ANKRD34A: variants seen among roughly 807,000 people sequenced by gnomAD.
The protein encoded by ANKRD34A is ankyrin repeat domain 34A.
In ANKRD34A, 7 loss-of-function variants were observed where a neutral mutation model predicts 27.1. That is an observed-to-expected ratio of 0.26 (90% CI 0.15 to 0.49). The LOEUF (loss-of-function observed/expected upper bound fraction) is 0.49. ANKRD34A is among the 20% of genes least tolerant of loss of function. ANKRD34A has a pLI of 0.99. For missense variants in ANKRD34A, 472 were observed against 682.1 expected (o/e 0.69, Z 3.43); for synonymous variants, 301 against 300.8 (o/e 1.00, Z -0.01).
intron 1 of ANKRD34A, among the ~76,000 whole-genome samples, chr1:145,963,973 A>T (rs1179014324): frequency 6.6e-6 from 1 of 151,952 alleles, no homozygotes; most frequent in Non-Finnish European, 1.5e-5. Flanking sequence ...TTCTTGACTA[A>T]CTCCTAGATT....
At position 145,960,629 on chromosome 1, in the gene ANKRD34A, A is replaced by G; in HGVS notation, c.1131T>C (p.Ala377=). The G allele has an allele frequency of 6.3e-7, 1 of 1,585,002 alleles. No individual in the cohort carries two copies. The highest frequency in any genetic ancestry group is 8.6e-7 in the Non-Finnish European group (1 of 1,163,438). Residue 377 remains alanine (A), a synonymous_variant, in exon 4 of 4, where the codon GCT becomes GCC. Transcript: ENST00000606888. The surrounding 1 kb of genome is among the most constrained non-coding windows in gnomAD (Gnocchi z 5.5). ...TCTCCTGGGACTGGCGCGGAGAGGGAGCCGAGCCGGCTGGAGGGAGGGTCA... is the reference window on the plus strand; with the variant it reads ...TCTCCTGGGACTGGCGCGGAGAGGGGGCCGAGCCGGCTGGAGGGAGGGTCA... The part of the protein sequence containing the change: ...SPLTLPPAGS[A]PSPRQSQESL...
Position 145,962,657 on chromosome 1 carries a change from G to C in ANKRD34A, c.-357C>G, listed in dbSNP as rs1649841304. The C allele has an allele frequency of 2.6e-5, 2 of 76,332 alleles. No individual in the cohort carries two copies. The highest frequency in any genetic ancestry group is 4.9e-5 in the African/African-American group (1 of 20,318). The allele number at this position is 76,332 out of a possible 1,614,324, so 4.7% of individuals were successfully genotyped here. A position where few individuals can be genotyped will look rare whatever the true frequency, so the allele number is the denominator to read the frequency against. ...TGGCGGGGGGGGGGGGGGGGGGGGG[G>C]GCGGAGCTCTGCTGTGCTATTTATA... On this transcript the variant is annotated 5_prime_UTR_variant, in exon 3 of 4. Transcript: ENST00000606888.
chr1:145,961,071 G>A lies in ANKRD34A; in HGVS notation c.689C>T (p.Pro230Leu), dbSNP rs1553761298. 6.2e-7 allele frequency: 1 copy of A among 1,613,682 alleles called. No homozygotes were observed. Among genetic ancestry groups the A allele is most frequent in the East Asian group, 2.2e-5 (1 of 44,870 alleles). ...KPPDDPSPSE[P>L]LPKPPRHPPK... is the part of the protein sequence containing the mutation. ...GGGATGGCGTGGTGGTTTGGGGAGC[G>A]GCTCGGAAGGGGATGGGTCATCGGG... The change falls in exon 4 of 4, where the codon CCG (proline) becomes CTG (leucine). Residue 230 changes from proline (P) to leucine (L), a missense_variant. By Grantham distance (98) the Pro-to-Leu change is moderately conservative. Transcript: ENST00000606888. This position sits in a 1 kb window ranked among gnomAD's most constrained non-coding sequence, Gnocchi z 9.5.
rs1462561183 is a variant in ANKRD34A, at chr1:145,960,407, A to G, written c.1353T>C (p.Pro451=). 15 of 1,502,286 alleles carry G rather than the reference A, an allele frequency of 1.0e-5. No individual in the cohort carries two copies. In the Admixed American group the frequency reaches 2.5e-4, roughly 25 times the overall value. 93.1% of individuals were successfully genotyped at this position (1,502,286 alleles called of 1,614,324 possible). Residue 451 remains proline, a synonymous_variant, in exon 4 of 4, where the codon CCT becomes CCC. Transcript: ENST00000606888. The surrounding 1 kb of genome is among the most constrained non-coding windows in gnomAD (Gnocchi z 5.5). The part of the protein sequence containing the change: ...PQPGGRAPSL[P]APPYAGAPGS... ...CTGGCGCCCCGGCATAAGGAGGGGC[A>G]GGCAACGAAGGCGCCCGACCTCCGG...
Position 145,962,525 on chromosome 1 carries a change from G to GT in ANKRD34A, c.-226_-225insA, listed in dbSNP as rs1276480907. The stretch of plus-strand genomic sequence containing the variant: ...TGGGGGCCCGCATGGCGTGGGGGGG[G>GT]GGGCACCCGGATTCCCTTGGTGTCA... On this transcript the variant is annotated 5_prime_UTR_variant, in exon 3 of 4. Transcript: ENST00000606888. The GT allele has an allele frequency of 6.6e-6, 1 of 150,760 alleles. No homozygotes were observed. The highest frequency in any genetic ancestry group is 2.5e-5 in the African/African-American group (1 of 40,816). 9.3% of individuals were successfully genotyped at this position (150,760 alleles called of 1,614,324 possible). A position where few individuals can be genotyped will look rare whatever the true frequency, so the allele number is the denominator to read the frequency against.
chr1:145,960,338 C>T lies in ANKRD34A; in HGVS notation c.1422G>A (p.Met474Ile), dbSNP rs782455199. ...CCAGCAGGCGGATCTGCTCAGTCTG[C>T]ATGGAGTGGCGTCTCACCAATTTGC... ...TKRKLVRRHS[M>I]QTEQIRLLGG... The change falls in exon 4 of 4, where the codon ATG (methionine) becomes ATA (isoleucine). Residue 474 changes from methionine (M) to isoleucine (I), a missense_variant. Coordinates refer to ENST00000606888, the MANE Select transcript of ANKRD34A (RefSeq NM_001039888.4). This position sits in a 1 kb window ranked among gnomAD's most constrained non-coding sequence, Gnocchi z 5.5. The T allele has an allele frequency of 6.2e-7, 1 of 1,612,628 alleles. No homozygotes were observed. The highest frequency in any genetic ancestry group is 1.1e-5 in the South Asian group (1 of 90,838).
chr1:145,959,981 GT>G lies in ANKRD34A; in HGVS notation c.*287del. ...AGAGAGTTTGGGACCCTAGCCCTGT[GT>G]GTTTATTGATATGCTGTGCCTGTAG... On this transcript the variant is annotated 3_prime_UTR_variant, in exon 4 of 4. Transcript: ENST00000606888. 1 of 390,906 alleles carries G rather than the reference GT, an allele frequency of 2.6e-6. No individual in the cohort carries two copies. The highest frequency in any genetic ancestry group is 4.7e-6 in the Non-Finnish European group (1 of 212,870). The allele number at this position is 390,906 out of a possible 1,614,324, so 24.2% of individuals were successfully genotyped here. A position where few individuals can be genotyped will look rare whatever the true frequency, so the allele number is the denominator to read the frequency against.
At position 145,960,930 on chromosome 1, in the gene ANKRD34A, C is replaced by A; in HGVS notation, c.830G>T (p.Gly277Val). 6.2e-7 allele frequency: 1 copy of A among 1,614,186 alleles called. No homozygotes were observed. The highest frequency in any genetic ancestry group is 8.5e-7 in the Non-Finnish European group (1 of 1,180,026). The change falls in exon 4 of 4, where the codon GGC (glycine) becomes GTC (valine). Residue 277 changes from glycine to valine, a missense_variant. By Grantham distance (109) the Gly-to-Val change is moderately radical (BLOSUM62 -3). Around this residue, in one of 4 missense-constraint regions of ANKRD34A, gnomAD observed 295 missense variants for 335.0 expected, o/e 0.88. Coordinates refer to ENST00000606888, the MANE Select transcript of ANKRD34A (RefSeq NM_001039888.4). This position sits in a 1 kb window ranked among gnomAD's most constrained non-coding sequence, Gnocchi z 5.5. ...ACGGGGTCGACCGGTCAGGGTCAGGCCATTGAATTCGGCAGTCAAGCGCTC... is the reference window on the plus strand; with the variant it reads ...ACGGGGTCGACCGGTCAGGGTCAGGACATTGAATTCGGCAGTCAAGCGCTC... ...GIERLTAEFN[G>V]LTLTGRPRLS...
chr1:145,961,775 G>A lies in ANKRD34A; in HGVS notation c.-16C>T, dbSNP rs1649775377. The stretch of plus-strand genomic sequence containing the variant: ...TGTGCAACATAGCTGCGGCTGGGGC[G>A]AGGGCACAGATGGAGCCGGGACTGA... On this transcript the variant is annotated 5_prime_UTR_variant, in exon 4 of 4. Transcript: ENST00000606888. The surrounding 1 kb of genome is among the most constrained non-coding windows in gnomAD (Gnocchi z 9.5). 3 of 1,602,762 alleles carry A rather than the reference G, an allele frequency of 1.9e-6. No homozygotes were observed. The highest frequency in any genetic ancestry group is 2.5e-6 in the Non-Finnish European group (3 of 1,176,724).
In ANKRD34A at chr1:145,961,559, G is replaced by C. The variant is rs142103666; in HGVS notation, c.201C>G (p.Gly67=). The change falls in exon 4 of 4, where the codon GGC becomes GGG. Residue 67 remains glycine, a synonymous_variant. Transcript: ENST00000606888. The surrounding 1 kb of genome is among the most constrained non-coding windows in gnomAD (Gnocchi z 9.5). ...ARMVRYLLEQ[G]ADPNIADRLG... ...ATCGGTCTGCGATATTGGGGTCCGC[G>C]CCTTGCTCCAGGAGGTAGCGTACCA... 8.0e-5 allele frequency: 128 copies of C among 1,596,320 alleles called. 1 individual carries two copies. The African/African-American group carries it at 1.6e-3, about 20-fold the overall frequency.
At position 145,962,855 on chromosome 1, in the gene ANKRD34A, G is replaced by C. The variant is rs1277115060; in HGVS notation, c.-555C>G. 1 of 152,194 alleles carries C rather than the reference G, an allele frequency of 6.6e-6. No homozygotes were observed. Among genetic ancestry groups the C allele is most frequent in the Non-Finnish European group, 1.5e-5 (1 of 68,084 alleles). 9.4% of individuals were successfully genotyped at this position (152,194 alleles called of 1,614,324 possible). A position where few individuals can be genotyped will look rare whatever the true frequency, so the allele number is the denominator to read the frequency against. On this transcript the variant is annotated 5_prime_UTR_variant, in exon 3 of 4. Transcript: ENST00000606888. ...GGGGACTCCTCCGCGACCCAGACAG[G>C]GACCATCATCCAGATTCTTCGCTGA...
chr1:145,960,309 C>T lies in ANKRD34A; in HGVS notation c.1451G>A (p.Gly484Asp), dbSNP rs782220231. The T allele has an allele frequency of 3.2e-6, 5 of 1,584,830 alleles. No homozygotes were observed. The Admixed American group carries it at 5.3e-5, about 17-fold the overall frequency. ...MQTEQIRLLGGFQSLGGPGEP... is the reference protein window; with the variant it reads ...MQTEQIRLLGDFQSLGGPGEP... ...CCCAGGCCCACCTAGACTCTGGAAG[C>T]CCCCCAGCAGGCGGATCTGCTCAGT... The change falls in exon 4 of 4, where the codon GGC (glycine) becomes GAC (aspartate). Residue 484 changes from glycine (G) to aspartate (D), a missense_variant. Around this residue, in one of 4 missense-constraint regions of ANKRD34A, gnomAD observed 53 missense variants for 70.3 expected, o/e 0.75. Coordinates refer to ENST00000606888, the MANE Select transcript of ANKRD34A (RefSeq NM_001039888.4). This position sits in a 1 kb window ranked among gnomAD's most constrained non-coding sequence, Gnocchi z 5.5.
Position 145,960,373 on chromosome 1 carries a change from TGG to T in ANKRD34A, c.1385_1386del (p.Pro462GlnfsTer15), listed in dbSNP as rs1553761082. On this transcript the variant is annotated frameshift_variant, in exon 4 of 4. Transcript: ENST00000606888. LOFTEE classifies it high-confidence loss of function. This position sits in a 1 kb window ranked among gnomAD's most constrained non-coding sequence, Gnocchi z 5.5. ...APPYAGAPGSPRTKRKLVRRH... is the reference protein window; with the variant it reads ...APPYAGAPGSXRTKRKLVRRH... ...CGTCTCACCAATTTGCGCTTGGTCC[TGG>T]GAGAGCCTGGCGCCCCGGCATAAGG... The T allele has an allele frequency of 2.5e-6, 4 of 1,569,798 alleles. No homozygotes were observed. Among genetic ancestry groups the T allele is most frequent in the Non-Finnish European group, 3.5e-6 (4 of 1,153,962 alleles).
At position 145,961,861 on chromosome 1, in the gene ANKRD34A, T is replaced by G; in HGVS notation, c.-102A>C. ...GAGTGGCTGGCAGAGGCCTGAGGTC[T>G]CAGTGACGAAGCCGATCCCTGCAAG... On this transcript the variant is annotated 5_prime_UTR_variant, in exon 4 of 4. An upstream open reading frame in the 5' UTR loses its in-frame stop. Coordinates refer to ENST00000606888, the MANE Select transcript of ANKRD34A (RefSeq NM_001039888.4). The surrounding 1 kb of genome is among the most constrained non-coding windows in gnomAD (Gnocchi z 9.5). The G allele has an allele frequency of 7.5e-7, 1 of 1,334,270 alleles. No homozygotes were observed. Among genetic ancestry groups the G allele is most frequent in the Non-Finnish European group, 1.0e-6 (1 of 999,940 alleles). 82.7% of individuals were successfully genotyped at this position (1,334,270 alleles called of 1,614,324 possible). A position where few individuals can be genotyped will look rare whatever the true frequency, so the allele number is the denominator to read the frequency against.
chr1:145,963,157 T>C (rs1402750416), intron 2 of ANKRD34A, among the ~76,000 whole-genome samples, 153 bp downstream of exon 2: 1 of 152,068 alleles, frequency 6.6e-6, no homozygotes, highest in African/African-American at 2.4e-5. Flanking sequence ...GCAGAGAAAC[T>C]TGGACCTCAG....
rs1649780769 is a variant in ANKRD34A, at chr1:145,961,835, G to A, written c.-76C>T. The A allele has an allele frequency of 6.8e-7, 1 of 1,478,710 alleles. No homozygotes were observed. Among genetic ancestry groups the A allele is most frequent in the Non-Finnish European group, 9.0e-7 (1 of 1,112,760 alleles). 91.6% of individuals were successfully genotyped at this position (1,478,710 alleles called of 1,614,324 possible). ...AGGATGACTAGGGGTATGGGGAGGGGGAGTGGCTGGCAGAGGCCTGAGGTC... is the reference window on the plus strand; with the variant it reads ...AGGATGACTAGGGGTATGGGGAGGGAGAGTGGCTGGCAGAGGCCTGAGGTC... On this transcript the variant is annotated 5_prime_UTR_variant, in exon 4 of 4. Coordinates refer to ENST00000606888, the MANE Select transcript of ANKRD34A (RefSeq NM_001039888.4). This position sits in a 1 kb window ranked among gnomAD's most constrained non-coding sequence, Gnocchi z 9.5.
Position 145,961,484 on chromosome 1 carries a change from C to A in ANKRD34A, c.276G>T (p.Ala92=). ...MHACAGGGGA[A]VASLLLAHGA... The stretch of plus-strand genomic sequence containing the variant: ...CGTGGGCAAGGAGCAGCGAGGCCAC[C>A]GCGGCGCCCCCACCCCCGGCGCAAG... Residue 92 remains alanine, a synonymous_variant, in exon 4 of 4, where the codon GCG becomes GCT. Transcript: ENST00000606888. The surrounding 1 kb of genome is among the most constrained non-coding windows in gnomAD (Gnocchi z 9.5). 1 of 1,575,290 alleles carries A rather than the reference C, an allele frequency of 6.3e-7. No homozygotes were observed. The highest frequency in any genetic ancestry group is 8.6e-7 in the Non-Finnish European group (1 of 1,160,980).
In ANKRD34A at chr1:145,961,199, G is replaced by C; in HGVS notation, c.561C>G (p.Ile187Met). 1 of 1,614,122 alleles carries C rather than the reference G, an allele frequency of 6.2e-7. No individual in the cohort carries two copies. Among genetic ancestry groups the C allele is most frequent in the Non-Finnish European group, 8.5e-7 (1 of 1,179,968 alleles). The change falls in exon 4 of 4, where the codon ATC becomes ATG. Residue 187 changes from isoleucine (I) to methionine (M), a missense_variant. Ile to Met is a conservative substitution (Grantham distance 10, BLOSUM62 1). Transcript: ENST00000606888. This position sits in a 1 kb window ranked among gnomAD's most constrained non-coding sequence, Gnocchi z 9.5. ...SPGFCTSPSE[I>M]QLQTAGGGGR... ...CTCCTCCTCCAGCGGTCTGCAGTTG[G>C]ATTTCCGAAGGCGACGTGCAGAACC...
chr1:145,962,432 C>T lies in ANKRD34A; in HGVS notation c.-132G>A, dbSNP rs1649817539. 1 of 151,526 alleles carries T rather than the reference C, an allele frequency of 6.6e-6. No homozygotes were observed. Among genetic ancestry groups the T allele is most frequent in the Admixed American group, 6.6e-5 (1 of 15,226 alleles). 9.4% of individuals were successfully genotyped at this position (151,526 alleles called of 1,614,324 possible). A position where few individuals can be genotyped will look rare whatever the true frequency, so the allele number is the denominator to read the frequency against. On this transcript the variant is annotated 5_prime_UTR_variant, in exon 3 of 4. Coordinates refer to ENST00000606888, the MANE Select transcript of ANKRD34A (RefSeq NM_001039888.4). ...GCCCAGATAGATACCTGAATGTCCG[C>T]AGAATCTCCGCCTGGCCAGGATTGG...
Sources: gnomAD v4.1 joint callset for allele counts (sites outside exome capture counted in the v4.1 genomes callset) on GRCh38, gnomAD v4.1.1 for gene constraint, gnomAD v4.1.1 regional missense constraint, Gnocchi (gnomAD v3.1) non-coding constraint, MANE v1.5 for transcripts, NCBI Gene and HGNC (gene_info 2026-07-23, HGNC 2026-07-21) for gene names.